TAS2R1: variants seen among roughly 807,000 people sequenced by gnomAD.
TAS2R1 encodes the protein taste receptor type 2 member 1.
For missense variants in TAS2R1, 370 were observed against 353.4 expected (o/e 1.05, Z -0.38); for synonymous variants, 141 against 134.2 (o/e 1.05, Z -0.35).
chr5:9,840,300 C>G, the TAS2R1 span, among the ~76,000 whole-genome samples: 1 of 152,196 alleles, frequency 6.6e-6, no homozygotes, highest in Non-Finnish European at 1.5e-5. Flanking sequence ...ATTAACTCAT[C>G]CAACCATCGA....
At chr5:9,813,643 A>G in the TAS2R1 span, among the ~76,000 whole-genome samples, 1 of 152,224 alleles carries the variant, frequency 6.6e-6, no homozygotes, top group Non-Finnish European at 1.5e-5. Flanking sequence ...GTTACAGTAT[A>G]GATTCCTTAG....
At chr5:9,654,905 T>C (rs1200065858) in intron 2 of TAS2R1, among the ~76,000 whole-genome samples, 1 of 152,220 alleles carries the variant, frequency 6.6e-6, no homozygotes, top group Non-Finnish European at 1.5e-5. Flanking sequence ...ACTCCTGTTA[T>C]TTGTCCAAGA....
chr5:9,671,340 G>A (rs1161618610), intron 1 of TAS2R1, among the ~76,000 whole-genome samples: 12 of 152,148 alleles, frequency 7.9e-5, no homozygotes, highest in Non-Finnish European at 1.3e-4. Context: ...TAGGAAGAGA[G>A]GAAGTCAAAC....
At chr5:9,665,283 C>T (rs560910121) in intron 1 of TAS2R1, among the ~76,000 whole-genome samples, 253 of 152,302 alleles carry the variant, frequency 1.7e-3, no homozygotes, top group Admixed American at 3.2e-3. Context: ...CCTGCTCCTG[C>T]GATAACATCG....
At chr5:9,893,466 A>G in the TAS2R1 span, among the ~76,000 whole-genome samples, 4 of 152,186 alleles carry the variant, frequency 2.6e-5, no homozygotes, top group Admixed American at 1.3e-4. Context: ...GTCTTAAATG[A>G]GAAGTACCTA....
chr5:9,869,877 A>G, the TAS2R1 span, among the ~76,000 whole-genome samples: 1 of 152,198 alleles, frequency 6.6e-6, no homozygotes, highest in East Asian at 1.9e-4. Flanking sequence ...CCTGAGCGTG[A>G]TCTTTGGGAT....
At chr5:9,882,685 A>C in the TAS2R1 span, among the ~76,000 whole-genome samples, 1 of 152,160 alleles carries the variant, frequency 6.6e-6, no homozygotes, top group Non-Finnish European at 1.5e-5. Context: ...GATGCTAGTG[A>C]GGCTGTGGAG....
chr5:9,672,037 G>A (rs1387912223), intron 1 of TAS2R1, among the ~76,000 whole-genome samples: 1 of 152,064 alleles, frequency 6.6e-6, no homozygotes, highest in Non-Finnish European at 1.5e-5. Flanking sequence ...ACAAGCAATA[G>A]GGGAAGGACT....
At chr5:9,713,574 C>T (rs560749340), upstream of TAS2R1, among the ~76,000 whole-genome samples, 1 of 152,232 alleles carries the variant, frequency 6.6e-6, no homozygotes, top group East Asian at 1.9e-4. Context: ...GGATAAGAGA[C>T]ATACTTCACA....
chr5:9,695,242 T>C (rs1237420437), intron 1 of TAS2R1, among the ~76,000 whole-genome samples: 1 of 152,246 alleles, frequency 6.6e-6, no homozygotes, highest in African/African-American at 2.4e-5. Context: ...TTTGTAGTTT[T>C]AGTTGTCATC....
the TAS2R1 span, among the ~76,000 whole-genome samples, chr5:9,861,219 C>A: frequency 6.6e-6 from 1 of 151,894 alleles, no homozygotes; most frequent in South Asian, 2.1e-4. Context: ...AGCCTTCCCC[C>A]TTAGTGGACA....
chr5:9,727,008 A>T, the TAS2R1 span, among the ~76,000 whole-genome samples: 1 of 152,340 alleles, frequency 6.6e-6, no homozygotes, highest in African/African-American at 2.4e-5. Context: ...GGTATTGCTC[A>T]ACCTCTTTGA....
chr5:9,770,752 A>G, the TAS2R1 span, among the ~76,000 whole-genome samples: 3 of 152,168 alleles, frequency 2.0e-5, no homozygotes, highest in East Asian at 5.8e-4. Flanking sequence ...TTACTTTTGT[A>G]TCCTGCAACT....
the TAS2R1 span, among the ~76,000 whole-genome samples, chr5:9,872,059 T>C: frequency 6.6e-6 from 1 of 152,230 alleles, no homozygotes. Context: ...AATATTCTAT[T>C]ATATAGTTTT....
the TAS2R1 span, among the ~76,000 whole-genome samples, chr5:9,841,754 G>A: frequency 6.6e-6 from 1 of 152,142 alleles, no homozygotes; most frequent in East Asian, 1.9e-4. Flanking sequence ...CAGTAATTTT[G>A]AGGAATAATG....
At chr5:9,710,449 T>C (rs1741706162) in intron 1 of TAS2R1, among the ~76,000 whole-genome samples, 1 of 152,240 alleles carries the variant, frequency 6.6e-6, no homozygotes, top group Non-Finnish European at 1.5e-5. Context: ...ACTTTAGTTA[T>C]GTCTGAGACA....
At chr5:9,676,558 T>C (rs979850950) in intron 1 of TAS2R1, among the ~76,000 whole-genome samples, 1 of 152,100 alleles carries the variant, frequency 6.6e-6, no homozygotes, top group Non-Finnish European at 1.5e-5. Flanking sequence ...CATACATACA[T>C]ACACAAAAAT....
the TAS2R1 span, among the ~76,000 whole-genome samples, chr5:9,881,155 C>A: frequency 6.6e-6 from 1 of 152,070 alleles, no homozygotes; most frequent in African/African-American, 2.4e-5. Flanking sequence ...CTTCAGCAGT[C>A]TCAGGATACA....
At chr5:9,844,353 C>T in the TAS2R1 span, among the ~76,000 whole-genome samples, 1 of 152,108 alleles carries the variant, frequency 6.6e-6, no homozygotes, top group Non-Finnish European at 1.5e-5. Context: ...CATGCTATGC[C>T]CTCCCTTATT....
Sources: gnomAD v4.1 joint callset for allele counts (sites outside exome capture counted in the v4.1 genomes callset) on GRCh38, gnomAD v4.1.1 for gene constraint, MANE v1.5 for transcripts, NCBI Gene and HGNC (gene_info 2026-07-23, HGNC 2026-07-21) for gene names.